The following EDC3 variants were observed in gnomAD, a reference collection of about 807,000 sequenced individuals.
The protein encoded by EDC3 is enhancer of mRNA-decapping protein 3.
Under a neutral mutation model 41.8 loss-of-function variants are expected in EDC3, and 20 were observed. The ratio of observed to expected loss-of-function variants is 0.48; its 90% CI spans 0.34 to 0.70. EDC3 has a LOEUF of 0.70. Ranked by LOEUF, EDC3 falls within the 30% of genes least tolerant of loss-of-function variation. The pLI, the probability that EDC3 is intolerant of heterozygous loss-of-function variation, is 0.01. For synonymous variants in EDC3, 206 were observed against 243.2 expected, an observed-to-expected ratio of 0.85 and a Z score of 1.42; for missense variants, 444 against 636.8, an observed-to-expected ratio of 0.70 and a Z score of 3.26.
At position 74,640,217 on chromosome 15, in the gene EDC3, G is replaced by T. The variant is rs543501614; in HGVS notation, c.974+249C>A. Reference sequence around the variant, plus strand: ...GATAGTTAGCAGGAGTCTCAGGCCCGATGGCTGCTATCAGGAGAGAGTCAA... The same window carrying T: ...GATAGTTAGCAGGAGTCTCAGGCCCTATGGCTGCTATCAGGAGAGAGTCAA... On this transcript the variant is annotated intron_variant, in intron 5 of 6. Coordinates refer to ENST00000315127, the MANE Select transcript of EDC3 (RefSeq NM_025083.5). The T allele has an allele frequency of 1.5e-4, 66 of 446,926 alleles. 2 individuals are homozygous for T. In the South Asian group the frequency reaches 1.9e-3, roughly 13 times the overall value. 27.7% of individuals were successfully genotyped at this position (446,926 alleles called of 1,614,324 possible).
At chr15:74,667,763 T>C (rs2062693721) in intron 3 of EDC3, among the ~76,000 whole-genome samples, 1 of 151,940 alleles carries the variant, frequency 6.6e-6, no homozygotes, top group South Asian at 2.1e-4. Flanking sequence ...AATGACTGAA[T>C]AAATAAACAA....
At chr15:74,665,737 T>C (rs1329631962) in intron 3 of EDC3, among the ~76,000 whole-genome samples, 3 of 152,228 alleles carry the variant, frequency 2.0e-5, no homozygotes, top group Admixed American at 6.5e-5. Context: ...CAACTCCTTA[T>C]TGCAATCCTG....
intron 1 of EDC3, among the ~76,000 whole-genome samples, chr15:74,686,752 CCTG>C (rs202052518): frequency 0.022 from 3,385 of 152,302 alleles, 78 homozygotes; most frequent in Non-Finnish European, 0.033. Context: ...TGCACTCCAG[CCTG>C]CTAACAAGAG....
intron 3 of EDC3, among the ~76,000 whole-genome samples, chr15:74,665,129 T>C (rs2062663055): frequency 6.6e-6 from 1 of 152,186 alleles, no homozygotes; most frequent in African/African-American, 2.4e-5. Context: ...GTTCAAGCAA[T>C]TCTCCCTGCC....
intron 3 of EDC3, among the ~76,000 whole-genome samples, chr15:74,660,120 C>T (rs1394645306): frequency 6.6e-6 from 1 of 151,806 alleles, no homozygotes; most frequent in Non-Finnish European, 1.5e-5. Flanking sequence ...ATGGGAGGAT[C>T]ACTTGAGCCC....
At chr15:74,682,022 T>C (rs1173842988) in intron 1 of EDC3, among the ~76,000 whole-genome samples, 1 of 152,170 alleles carries the variant, frequency 6.6e-6, no homozygotes, top group Non-Finnish European at 1.5e-5. Flanking sequence ...TATACACCTT[T>C]CAAAATGGCT....
chr15:74,678,808 T>C (rs965760346), intron 1 of EDC3, among the ~76,000 whole-genome samples: 2 of 150,012 alleles, frequency 1.3e-5, no homozygotes, highest in African/African-American at 4.9e-5. Flanking sequence ...AAGAATCGCT[T>C]GAAATGGGGA....
chr15:74,634,278 T>TAC (rs1360251970), intron 6 of EDC3, among the ~76,000 whole-genome samples: 1 of 152,196 alleles, frequency 6.6e-6, no homozygotes, highest in Non-Finnish European at 1.5e-5. Flanking sequence ...TCAGCTACCA[T>TAC]ACTCTCCTGG....
chr15:74,661,573 T>C (rs1452198293), intron 3 of EDC3, among the ~76,000 whole-genome samples: 1 of 151,396 alleles, frequency 6.6e-6, no homozygotes, highest in Non-Finnish European at 1.5e-5. Flanking sequence ...AGGTCAGAAG[T>C]TCGAGACCAG....
chr15:74,693,117 T>C (rs1425210088), intron 1 of EDC3: 2 of 152,212 alleles, frequency 1.3e-5, no homozygotes, highest in African/African-American at 2.4e-5. Flanking sequence ...TTAGCACATC[T>C]AGATCTAAAC....
intron 1 of EDC3, among the ~76,000 whole-genome samples, chr15:74,692,352 A>C (rs1478587448): frequency 1.3e-5 from 2 of 152,240 alleles, no homozygotes; most frequent in East Asian, 3.8e-4. Context: ...AACTAACTAT[A>C]TTAAGAAATT....
At chr15:74,693,566 C>T (rs1039343369) in intron 1 of EDC3, among the ~76,000 whole-genome samples, 3 of 152,076 alleles carry the variant, frequency 2.0e-5, no homozygotes, top group African/African-American at 4.8e-5. Context: ...TTTAGATCAC[C>T]GGAATTCCAG....
At chr15:74,634,057 TG>T (rs1438862902) in intron 6 of EDC3, among the ~76,000 whole-genome samples, 1 of 152,156 alleles carries the variant, frequency 6.6e-6, no homozygotes, top group East Asian at 1.9e-4. Context: ...GGGCCATATT[TG>T]CTCTCTCCAA....
intron 3 of EDC3, among the ~76,000 whole-genome samples, chr15:74,667,175 A>G (rs2062684946): frequency 6.6e-6 from 1 of 151,982 alleles, no homozygotes; most frequent in East Asian, 1.9e-4. Flanking sequence ...AGACAAGCAA[A>G]AGGAGAAGGC....
In EDC3 at chr15:74,640,586, T is replaced by A; in HGVS notation, c.854A>T (p.Glu285Val). The A allele has an allele frequency of 6.2e-7, 1 of 1,614,154 alleles. No individual in the cohort carries two copies. The highest frequency in any genetic ancestry group is 1.1e-5 in the South Asian group (1 of 91,080). ...SGLVVPSISY[E>V]LHKKLLSVAE... ...CACGGACAACAGCTTTTTATGCAGC[T>A]CATAGGAAATACTTGGGACAACCAG... Residue 285 changes from glutamate (E) to valine (V), a missense_variant, in exon 5 of 7, where the codon GAG (glutamate) becomes GTG (valine). By Grantham distance (121) the Glu-to-Val change is moderately radical. Around this residue, in one of 3 missense-constraint regions of EDC3, gnomAD observed 242 missense variants for 363.8 expected, o/e 0.67. Coordinates refer to ENST00000315127, the MANE Select transcript of EDC3 (RefSeq NM_025083.5).
chr15:74,695,105 G>T (rs1350520748), intron 1 of EDC3, among the ~76,000 whole-genome samples: 1 of 152,190 alleles, frequency 6.6e-6, no homozygotes, highest in Admixed American at 6.5e-5. Context: ...CGAAGGAAGA[G>T]AAGAAAAACC....
chr15:74,678,228 A>G (rs2062828121), intron 1 of EDC3, among the ~76,000 whole-genome samples: 1 of 152,098 alleles, frequency 6.6e-6, no homozygotes, highest in Non-Finnish European at 1.5e-5. Context: ...AATGTTAACT[A>G]TGGACTCTGG....
intron 4 of EDC3, among the ~76,000 whole-genome samples, chr15:74,651,786 C>T (rs976959643): frequency 1.3e-5 from 2 of 152,218 alleles, no homozygotes; most frequent in Non-Finnish European, 2.9e-5. Flanking sequence ...AGAGATGTCC[C>T]TCAACTTACA....
intron 1 of EDC3, among the ~76,000 whole-genome samples, chr15:74,692,043 TCTC>T (rs1463745325): frequency 6.6e-6 from 1 of 152,026 alleles, no homozygotes; most frequent in African/African-American, 2.4e-5. Flanking sequence ...ATGGTCTCGA[TCTC>T]CTGACCTCGT....
Sources: allele counts gnomAD v4.1 joint callset (sites outside exome capture counted in the v4.1 genomes callset), GRCh38; gene constraint gnomAD v4.1.1; regional missense constraint gnomAD v4.1.1; transcripts MANE v1.5; gene names NCBI Gene and HGNC (gene_info 2026-07-23, HGNC 2026-07-21).